The following DLEU7 variants were observed in gnomAD, a reference collection of about 807,000 sequenced individuals.
DLEU7 encodes the protein deleted in lymphocytic leukemia 7.
Under a neutral mutation model 16.0 loss-of-function variants are expected in DLEU7, and 17 were observed. That is an observed-to-expected ratio of 1.06 (90% CI 0.73 to 1.59). DLEU7 has a LOEUF of 1.59. DLEU7 is among the 40% of genes most tolerant of loss of function. The pLI is 0.00. For missense variants in DLEU7, 308 were observed against 314.9 expected, an observed-to-expected ratio of 0.98 and a Z score of 0.17; for synonymous variants, 113 against 139.8, an observed-to-expected ratio of 0.81 and a Z score of 1.35.
At chr13:50,794,138 C>T (rs903822031) in intron 1 of DLEU7, among the ~76,000 whole-genome samples, 1 of 151,990 alleles carries the variant, frequency 6.6e-6, no homozygotes, top group Non-Finnish European at 1.5e-5. Context: ...TATTTACTTG[C>T]TTATTGTTTA....
intron 1 of DLEU7, among the ~76,000 whole-genome samples, chr13:50,796,127 G>A (rs756127591): frequency 6.6e-6 from 1 of 152,036 alleles, no homozygotes; most frequent in Non-Finnish European, 1.5e-5. Flanking sequence ...GTGGATGCCT[G>A]AAACCCTTAG....
chr13:50,762,207 A>G (rs868429295), intron 1 of DLEU7, among the ~76,000 whole-genome samples: 2,635 of 150,512 alleles, frequency 0.018, 74 homozygotes, highest in African/African-American at 0.052. Context: ...AAAAAAAAAA[A>G]AAAAGAAAAG....
At chr13:50,803,839 C>T (rs959088041) in intron 1 of DLEU7, among the ~76,000 whole-genome samples, 2 of 152,008 alleles carry the variant, frequency 1.3e-5, no homozygotes, top group Non-Finnish European at 2.9e-5. Context: ...AAATTTTTTG[C>T]CCAGTTTATT....
At chr13:50,760,616 G>T (rs1322858141) in intron 1 of DLEU7, among the ~76,000 whole-genome samples, 2 of 152,190 alleles carry the variant, frequency 1.3e-5, no homozygotes, top group African/African-American at 2.4e-5. Flanking sequence ...TTCTGCCGTG[G>T]CTTCCCAAGT....
At chr13:50,836,228 A>G (rs1026008239) in intron 1 of DLEU7, among the ~76,000 whole-genome samples, 5 of 152,050 alleles carry the variant, frequency 3.3e-5, no homozygotes, top group African/African-American at 1.2e-4. Flanking sequence ...TTCTTCTCAC[A>G]TTTCCCCCTC....
intron 1 of DLEU7, among the ~76,000 whole-genome samples, chr13:50,780,251 G>C (rs1260909473): frequency 6.6e-6 from 1 of 152,194 alleles, no homozygotes; most frequent in Non-Finnish European, 1.5e-5. Context: ...ACCTCTGTCT[G>C]AATCATTCCT....
intron 1 of DLEU7, among the ~76,000 whole-genome samples, chr13:50,753,294 A>G (rs476444): frequency 0.57 from 86,662 of 152,144 alleles, 27,139 homozygotes; most frequent in African/African-American, 0.84. Flanking sequence ...TGCCAGTCCC[A>G]CGCCATGCAC....
At chr13:50,788,176 C>T (rs575808320) in intron 1 of DLEU7, among the ~76,000 whole-genome samples, 82 of 152,296 alleles carry the variant, frequency 5.4e-4, no homozygotes, top group African/African-American at 1.9e-3. Flanking sequence ...CTGTCCCCAG[C>T]CTTGTAAGTA....
At chr13:50,817,927 C>G (rs1164721931), downstream of DLEU7, among the ~76,000 whole-genome samples, 5 of 152,066 alleles carry the variant, frequency 3.3e-5, no homozygotes, top group Admixed American at 1.3e-4. Context: ...GGACAAGTGC[C>G]ATCTTGTCAC....
chr13:50,825,819 A>G (rs905103886), intron 1 of DLEU7, among the ~76,000 whole-genome samples: 3 of 152,216 alleles, frequency 2.0e-5, no homozygotes, highest in African/African-American at 7.2e-5. Flanking sequence ...AGATATTAAC[A>G]GGAACACCTA....
intron 1 of DLEU7, among the ~76,000 whole-genome samples, chr13:50,755,147 T>A (rs368754179): frequency 2.2e-4 from 33 of 152,350 alleles, no homozygotes; most frequent in African/African-American, 7.5e-4. Context: ...TAACTTTAGA[T>A]ACCCTGATGA....
At chr13:50,810,565 G>A (rs1210308859) in intron 1 of DLEU7, among the ~76,000 whole-genome samples, 2 of 152,150 alleles carry the variant, frequency 1.3e-5, no homozygotes, top group East Asian at 1.9e-4. Context: ...GACTATATCA[G>A]TAAGTGGCCC....
intron 1 of DLEU7, among the ~76,000 whole-genome samples, chr13:50,767,047 C>T (rs1875135207): frequency 6.6e-6 from 1 of 152,194 alleles, no homozygotes; most frequent in Admixed American, 6.5e-5. Context: ...ATTCACAGTC[C>T]ATTTCTGTTA....
At chr13:50,743,866 A>AAGTT (rs1388651818) in intron 1 of DLEU7, among the ~76,000 whole-genome samples, 2 of 152,202 alleles carry the variant, frequency 1.3e-5, no homozygotes, top group Non-Finnish European at 2.9e-5. Flanking sequence ...TAAGGATAGA[A>AAGTT]AGTTAAAAGT....
intron 1 of DLEU7, among the ~76,000 whole-genome samples, chr13:50,771,666 G>A (rs1875317808): frequency 6.6e-6 from 1 of 152,166 alleles, no homozygotes; most frequent in South Asian, 2.1e-4. Context: ...CATTTGCTGA[G>A]GAGAACTTTA....
At chr13:50,760,197 TA>T (rs1348458502) in intron 1 of DLEU7, among the ~76,000 whole-genome samples, 2 of 152,222 alleles carry the variant, frequency 1.3e-5, no homozygotes, top group East Asian at 3.8e-4. Flanking sequence ...ACTTGTAAAA[TA>T]AAAACTTCTG....
Position 50,748,696 on chromosome 13 carries a change from A to C in DLEU7, c.460-35456T>G, listed in dbSNP as rs867127176. 3.3e-5 allele frequency among the ~76,000 whole-genome samples: 5 copies of C among 152,246 alleles called. No individual in the cohort carries two copies. In the South Asian group the frequency reaches 1.0e-3, roughly 32 times the overall value. On this transcript the variant is annotated intron_variant, in intron 1 of 1. Coordinates refer to the DLEU7 transcript ENST00000400393. ...CTGAATGTTTTTGAAGAAGAAAATGAGGAAGAGAGAATGAGAGACAGGGAG... is the reference window on the plus strand; with the variant it reads ...CTGAATGTTTTTGAAGAAGAAAATGCGGAAGAGAGAATGAGAGACAGGGAG...
At chr13:50,761,570 C>G (rs1375439993) in intron 1 of DLEU7, among the ~76,000 whole-genome samples, 1 of 152,058 alleles carries the variant, frequency 6.6e-6, no homozygotes, top group African/African-American at 2.4e-5. Context: ...CACATGGCCT[C>G]TCCCATCCAA....
chr13:50,789,959 T>TTG, intron 1 of DLEU7, among the ~76,000 whole-genome samples: 1 of 148,814 alleles, frequency 6.7e-6, no homozygotes, highest in African/African-American at 2.5e-5. Flanking sequence ...TTTTTTTTTT[T>TTG]GGGACAGAGT....
Sources: allele counts gnomAD v4.1 joint callset (sites outside exome capture counted in the v4.1 genomes callset), GRCh38; gene constraint gnomAD v4.1.1; transcripts MANE v1.5; gene names NCBI Gene and HGNC (gene_info 2026-07-23, HGNC 2026-07-21).